The following APPL2 variants were observed in gnomAD, a reference collection of about 807,000 sequenced individuals.
The protein encoded by APPL2 is DCC-interacting protein 13-beta.
Under a neutral mutation model 92.7 loss-of-function variants are expected in APPL2, and 84 were observed. That is an observed-to-expected ratio of 0.91 (90% CI 0.76 to 1.09). The LOEUF (loss-of-function observed/expected upper bound fraction) is 1.09, where lower values mean the gene tolerates loss of function less well. APPL2 is among the 50% of genes least tolerant of loss of function. The probability of loss-of-function intolerance (pLI) is 0.00; values close to 1 mark genes in which losing one functional copy is unlikely to be tolerated. For missense variants in APPL2, 736 were observed against 824.5 expected (o/e 0.89, Z 1.31); for synonymous variants, 291 against 291.0 (o/e 1.00, Z 0.00).
chr12:105,225,481 A>T (rs944290742), intron 2 of APPL2, among the ~76,000 whole-genome samples: 5 of 152,256 alleles, frequency 3.3e-5, no homozygotes, highest in African/African-American at 1.2e-4. Context: ...AATGAAAATA[A>T]ATATTAAATG....
At chr12:105,215,384 G>A (rs1330165355) in intron 4 of APPL2, among the ~76,000 whole-genome samples, 2 of 152,200 alleles carry the variant, frequency 1.3e-5, no homozygotes, top group Middle Eastern at 3.2e-3. Flanking sequence ...AAAGTGTGCT[G>A]AGTGCTGAAA....
At chr12:105,214,323 C>T (rs1323514500) in intron 4 of APPL2, among the ~76,000 whole-genome samples, 1 of 152,204 alleles carries the variant, frequency 6.6e-6, no homozygotes, top group African/African-American at 2.4e-5. Flanking sequence ...TCTGGGGTTT[C>T]GACAACTAAC....
At chr12:105,230,058 G>C (rs543568230) in intron 1 of APPL2, among the ~76,000 whole-genome samples, 1 of 152,240 alleles carries the variant, frequency 6.6e-6, no homozygotes, top group East Asian at 1.9e-4. Flanking sequence ...AGGATTACAG[G>C]TGTGAGCCAC....
intron 1 of APPL2, among the ~76,000 whole-genome samples, chr12:105,231,513 A>G (rs1219264731): frequency 6.6e-6 from 1 of 152,226 alleles, no homozygotes; most frequent in African/African-American, 2.4e-5. Context: ...ATCAAGGTTA[A>G]GAAATGTGTT....
At chr12:105,186,937 T>G (rs1886785824) in intron 17 of APPL2, among the ~76,000 whole-genome samples, 1 of 152,002 alleles carries the variant, frequency 6.6e-6, no homozygotes, top group African/African-American at 2.4e-5. Flanking sequence ...TTGGGTTGTC[T>G]TTCTGTTGAG....
chr12:105,175,977 T>C, intron 20 of APPL2, 58 bp downstream of exon 20: 1 of 1,425,536 alleles, frequency 7.0e-7, no homozygotes, highest in East Asian at 2.6e-5. Context: ...AGACTCTTGG[T>C]ATGTGTACAC....
Position 105,199,377 on chromosome 12 carries a change from T to C in APPL2, c.859A>G (p.Arg287Gly), listed in dbSNP as rs1887943330. 6.2e-7 allele frequency: 1 copy of C among 1,609,438 alleles called. No homozygotes were observed. Among genetic ancestry groups the C allele is most frequent in the African/African-American group, 1.3e-5 (1 of 74,666 alleles). Residue 287 changes from arginine to glycine, a missense_variant, in exon 10 of 21, where the codon AGA becomes GGA. By Grantham distance (125) the Arg-to-Gly change is moderately radical. Coordinates refer to ENST00000258530, the MANE Select transcript of APPL2 (RefSeq NM_018171.5). ...GGCAGACGGTGGCGTTCTCACTTTC[T>C]AAGATTAAGGTAACCAGCCTTCTGG... ...LIQKAGYLNL[R>G]NKTGLVTTTW...
intron 8 of APPL2, 187 bp downstream of exon 8, chr12:105,206,874 T>C: frequency 1.5e-6 from 1 of 665,946 alleles, no homozygotes. Context: ...TTGAGGCCAA[T>C]GCATGTCCAG....
chr12:105,190,773 T>TG (rs1433491953), intron 14 of APPL2, among the ~76,000 whole-genome samples: 6 of 152,216 alleles, frequency 3.9e-5, no homozygotes, highest in Non-Finnish European at 7.3e-5. Flanking sequence ...GGCACAGTCT[T>TG]GCGGCCCTGT....
chr12:105,177,183 A>G, intron 18 of APPL2, 43 bp downstream of exon 18: 3 of 1,609,076 alleles, frequency 1.9e-6, no homozygotes, highest in South Asian at 1.1e-5. Flanking sequence ...ACAAAGGTGA[A>G]TTAAGGAGTA....
chr12:105,228,429 G>T (rs1566101291), intron 2 of APPL2, among the ~76,000 whole-genome samples: 1 of 152,190 alleles, frequency 6.6e-6, no homozygotes, highest in East Asian at 1.9e-4. Context: ...TTATTAATGA[G>T]AAAAATATCA....
chr12:105,219,624 T>C (rs918814519), intron 2 of APPL2, among the ~76,000 whole-genome samples: 2 of 152,236 alleles, frequency 1.3e-5, no homozygotes. Context: ...CCTGAAATCA[T>C]GGTGTAAGGG....
intron 8 of APPL2, among the ~76,000 whole-genome samples, chr12:105,205,911 G>T (rs1484636976): frequency 6.6e-6 from 1 of 152,202 alleles, no homozygotes; most frequent in Admixed American, 6.5e-5. Flanking sequence ...GCCCACAGCT[G>T]GGTGGTGCTA....
intron 17 of APPL2, among the ~76,000 whole-genome samples, chr12:105,186,630 A>ATATATGATATCGATATCAT: frequency 8.3e-6 from 1 of 120,424 alleles, no homozygotes; most frequent in Non-Finnish European, 1.7e-5. Context: ...TATATATCAT[A>ATATATGATATCGATATCAT]TATATCATAT....
chr12:105,192,713 A>G (rs542876138), intron 14 of APPL2, among the ~76,000 whole-genome samples: 20 of 152,230 alleles, frequency 1.3e-4, no homozygotes, highest in African/African-American at 4.6e-4. Context: ...CATCTCCTTA[A>G]CATTGGGGTG....
At chr12:105,213,209 G>A (rs1413653456) in intron 4 of APPL2, among the ~76,000 whole-genome samples, 1 of 152,112 alleles carries the variant, frequency 6.6e-6, no homozygotes, top group East Asian at 1.9e-4. Flanking sequence ...TACAGAAATG[G>A]TACATTTCCC....
rs1465587627 is a variant in APPL2 at position 105,208,002 on chromosome 12, C to A, written c.443G>T (p.Ser148Ile). 6.2e-7 allele frequency: 1 copy of A among 1,614,012 alleles called. No individual in the cohort carries two copies. The highest frequency in any genetic ancestry group is 1.3e-5 in the African/African-American group (1 of 74,926). The change falls in exon 7 of 21, where the codon AGC (serine) becomes ATC (isoleucine). Residue 148 changes from serine (S) to isoleucine (I), a missense_variant. Ser to Ile is a moderately radical substitution (Grantham distance 142). Coordinates refer to ENST00000258530, the MANE Select transcript of APPL2 (RefSeq NM_018171.5). ...NEHDLSMAKYSRLPKKKENEK... is the reference protein window; with the variant it reads ...NEHDLSMAKYIRLPKKKENEK... ...ATTCTCCTTTTTCTTAGGCAGCCTG[C>A]TGTATTTTGCCATTGAGAGGTCATG...
chr12:105,180,367 T>C (rs961232455), intron 17 of APPL2, among the ~76,000 whole-genome samples: 1 of 152,214 alleles, frequency 6.6e-6, no homozygotes, highest in Non-Finnish European at 1.5e-5. Context: ...CATGCTGTTT[T>C]GGTTACTGTA....
At chr12:105,204,558 T>C (rs925280444) in intron 8 of APPL2, among the ~76,000 whole-genome samples, 42 of 152,346 alleles carry the variant, frequency 2.8e-4, no homozygotes, top group African/African-American at 9.9e-4. Context: ...TCTGGCCCCA[T>C]GATCTTTAAA....
Sources: allele counts gnomAD v4.1 joint callset (sites outside exome capture counted in the v4.1 genomes callset), GRCh38; gene constraint gnomAD v4.1.1; transcripts MANE v1.5; gene names NCBI Gene and HGNC (gene_info 2026-07-23, HGNC 2026-07-21).